The following HPSE2 variants were observed in gnomAD, a reference collection of about 807,000 sequenced individuals.
The protein encoded by HPSE2 is heparanase 2 (inactive).
A neutral mutation model predicts 60.5 loss-of-function variants in HPSE2; 38 were observed. That is an observed-to-expected ratio of 0.63 (90% confidence interval 0.48 to 0.82). The LOEUF is 0.82. Among genes scored for constraint, HPSE2 ranks in the 40% least tolerant of loss-of-function variants. HPSE2 has a pLI of 0.00. For missense variants in HPSE2, 713 were observed against 740.4 expected, an observed-to-expected ratio of 0.96 and a Z score of 0.43; for synonymous variants, 295 against 293.2, an observed-to-expected ratio of 1.01 and a Z score of -0.06.
At chr10:98,955,997 A>C (rs181489417) in intron 3 of HPSE2, among the ~76,000 whole-genome samples, 1 of 152,128 alleles carries the variant, frequency 6.6e-6, no homozygotes, top group African/African-American at 2.4e-5. Context: ...ACAGTTGATG[A>C]ATGTGGGCTT....
intron 3 of HPSE2, among the ~76,000 whole-genome samples, chr10:99,103,796 A>G (rs1193969469): frequency 6.6e-6 from 1 of 152,158 alleles, no homozygotes; most frequent in African/African-American, 2.4e-5. Flanking sequence ...ATATAGACCA[A>G]TGGAACAGAA....
intron 9 of HPSE2, among the ~76,000 whole-genome samples, chr10:98,586,469 G>GT (rs1470722407): frequency 7.9e-5 from 12 of 152,086 alleles, no homozygotes; most frequent in Admixed American, 4.6e-4. Context: ...TTGTTTAAAT[G>GT]TTTTTTCTTA....
intron 9 of HPSE2, among the ~76,000 whole-genome samples, chr10:98,511,924 C>T (rs1942421604): frequency 6.6e-6 from 1 of 152,164 alleles, no homozygotes; most frequent in South Asian, 2.1e-4. Flanking sequence ...AATATTTTTC[C>T]TTCCTGAAGC....
intron 3 of HPSE2, among the ~76,000 whole-genome samples, chr10:99,108,401 GAAAA>G (rs778885603): frequency 7.5e-6 from 1 of 132,898 alleles, no homozygotes; most frequent in African/African-American, 2.8e-5. Context: ...ACACTGTTTA[GAAAA>G]AAAAAAAAAA....
chr10:98,804,982 A>G (rs980556622), intron 3 of HPSE2, among the ~76,000 whole-genome samples: 4 of 152,210 alleles, frequency 2.6e-5, no homozygotes, highest in Non-Finnish European at 5.9e-5. Context: ...ATTTGCAACA[A>G]CAACATGGAT....
intron 9 of HPSE2, among the ~76,000 whole-genome samples, chr10:98,604,154 A>T (rs1945512200): frequency 6.6e-6 from 1 of 152,216 alleles, no homozygotes; most frequent in Non-Finnish European, 1.5e-5. Context: ...GAAACAGAGC[A>T]AACATTAGAC....
rs1951055535 is a variant in HPSE2, at chr10:98,806,928, G to C, written c.611-62872C>G. On this transcript the variant is annotated intron_variant, in intron 3 of 11. Transcript: ENST00000370552. ...GGAGGCCGAGGCAGGCGAATCACGA[G>C]GTCAGGAGTTCGAGACCAGCCTGGC... is the stretch of plus-strand genomic sequence containing the variant. Among the ~76,000 whole-genome samples, 2 of 152,158 alleles carry C rather than the reference G, an allele frequency of 1.3e-5. 1 individual carries two copies. The highest frequency in any genetic ancestry group is 1.3e-4 in the Admixed American group (2 of 15,280).
chr10:99,273,400 C>G, the HPSE2 span, among the ~76,000 whole-genome samples: 1 of 151,858 alleles, frequency 6.6e-6, no homozygotes, highest in Non-Finnish European at 1.5e-5. Context: ...TACCTGTTCC[C>G]CAAAAACCTA....
At chr10:98,680,005 C>T (rs1947744635) in intron 6 of HPSE2, among the ~76,000 whole-genome samples, 1 of 152,098 alleles carries the variant, frequency 6.6e-6, no homozygotes, top group Non-Finnish European at 1.5e-5. Context: ...AACATTGAAA[C>T]ATTTTTTGAA....
rs558791113 is a variant in HPSE2 at position 98,759,316 on chromosome 10, C to G, written c.611-15260G>C. Among the ~76,000 whole-genome samples the G allele has an allele frequency of 3.3e-5, 5 of 152,132 alleles. No homozygotes were observed. In the East Asian group the frequency reaches 9.7e-4, roughly 29 times the overall value. On this transcript the variant is annotated intron_variant, in intron 3 of 11. Coordinates refer to ENST00000370552, the MANE Select transcript of HPSE2 (RefSeq NM_021828.5). Reference sequence around the variant, plus strand: ...AATTTACCCATGCAACAAACCTGCACGTGTCTCCTCTGAACCTAAAATAAA... The same window carrying G: ...AATTTACCCATGCAACAAACCTGCAGGTGTCTCCTCTGAACCTAAAATAAA...
chr10:99,048,630 G>T (rs1020497414), intron 3 of HPSE2, among the ~76,000 whole-genome samples: 5 of 152,074 alleles, frequency 3.3e-5, no homozygotes, highest in African/African-American at 4.8e-5. Context: ...CACTGTTTTT[G>T]GGAATGTAAG....
chr10:98,529,218 A>C (rs540355235), intron 9 of HPSE2, among the ~76,000 whole-genome samples: 2 of 152,250 alleles, frequency 1.3e-5, no homozygotes, highest in Non-Finnish European at 2.9e-5. Context: ...CTAAGTTATC[A>C]GTCTTAATAA....
At chr10:99,268,651 A>C in the HPSE2 span, among the ~76,000 whole-genome samples, 3 of 151,946 alleles carry the variant, frequency 2.0e-5, no homozygotes, top group African/African-American at 7.2e-5. Flanking sequence ...GTCTCAAAAA[A>C]AAAAAAAAAA....
chr10:99,161,666 A>G (rs556122130), intron 2 of HPSE2, among the ~76,000 whole-genome samples: 8 of 152,170 alleles, frequency 5.3e-5, no homozygotes, highest in Non-Finnish European at 1.0e-4. Context: ...TAATGGGTGA[A>G]TTTTATGAAA....
chr10:99,182,936 C>G (rs1425422047), intron 2 of HPSE2, among the ~76,000 whole-genome samples: 1 of 152,054 alleles, frequency 6.6e-6, no homozygotes, highest in East Asian at 1.9e-4. Context: ...GCTGAGCTTG[C>G]AGTGAGCAGA....
intron 3 of HPSE2, among the ~76,000 whole-genome samples, chr10:98,804,671 A>G (rs1951000228): frequency 1.3e-5 from 2 of 152,118 alleles, no homozygotes; most frequent in Non-Finnish European, 2.9e-5. Flanking sequence ...AAATGCTCCT[A>G]TGCTGTTGGT....
At chr10:99,228,023 CA>C (rs1849530978) in intron 2 of HPSE2, among the ~76,000 whole-genome samples, 2 of 151,694 alleles carry the variant, frequency 1.3e-5, no homozygotes, top group African/African-American at 2.4e-5. Context: ...ATGACCTGTT[CA>C]AGAACAGTTT....
At chr10:98,589,492 G>A (rs558443026) in intron 9 of HPSE2, among the ~76,000 whole-genome samples, 1 of 152,160 alleles carries the variant, frequency 6.6e-6, no homozygotes, top group Non-Finnish European at 1.5e-5. Flanking sequence ...TCACTTTTTA[G>A]CATGAGTTGA....
chr10:99,272,895 A>G, the HPSE2 span, among the ~76,000 whole-genome samples: 1 of 152,274 alleles, frequency 6.6e-6, no homozygotes, highest in East Asian at 1.9e-4. Context: ...AAGAACTGCC[A>G]TGTGATCCAG....
Sources: gnomAD v4.1 joint callset for allele counts (sites outside exome capture counted in the v4.1 genomes callset) on GRCh38, gnomAD v4.1.1 for gene constraint, MANE v1.5 for transcripts, NCBI Gene and HGNC (gene_info 2026-07-23, HGNC 2026-07-21) for gene names.